BRF1: variants seen among roughly 807,000 people sequenced by gnomAD.
BRF1 encodes the protein transcription factor IIIB 90 kDa subunit.
A neutral mutation model predicts 81.7 loss-of-function variants in BRF1; 59 were observed. The ratio of observed to expected loss-of-function variants is 0.72; its 90% CI spans 0.59 to 0.90. BRF1 has a LOEUF of 0.90. Among genes scored for constraint, BRF1 ranks in the 40% least tolerant of loss-of-function variants. The pLI is 0.00. For synonymous variants in BRF1, 491 were observed against 395.6 expected (o/e 1.24, Z -2.86); for missense variants, 1,050 against 936.3 (o/e 1.12, Z -1.58).
chr14:105,226,794 G>C (rs746337559), intron 7 of BRF1, 34 bp from the exon 8 acceptor site: 53 of 1,612,430 alleles, frequency 3.3e-5, no homozygotes, highest in Non-Finnish European at 4.2e-5. Context: ...AATGGAGCTG[G>C]TGGCTCTGAA....
chr14:105,218,140 G>A (rs1280045280), intron 14 of BRF1, among the ~76,000 whole-genome samples: 1 of 152,174 alleles, frequency 6.6e-6, no homozygotes, highest in Non-Finnish European at 1.5e-5. Flanking sequence ...GCAGGGCGAT[G>A]TGCTGCTGCA....
rs1287765096 is a variant in BRF1 at position 105,228,849 on chromosome 14, G to A, written c.759C>T (p.Val253=). 5 of 1,613,906 alleles carry A rather than the reference G, an allele frequency of 3.1e-6. No homozygotes were observed. Among genetic ancestry groups the A allele is most frequent in the Admixed American group, 3.3e-5 (2 of 60,024 alleles). The part of the protein sequence containing the change: ...RRTVKEVISV[V]KVCESTLRKR... ...TCCGCAGCGTGGACTCACACACTTT[G>A]ACCACACTGATGACCTCCTTCACAG... Residue 253 remains valine (V), a synonymous_variant, in exon 7 of 18, where the codon GTC becomes GTT. Coordinates refer to ENST00000547530, the MANE Select transcript of BRF1 (RefSeq NM_001519.4).
intron 3 of BRF1, among the ~76,000 whole-genome samples, chr14:105,262,155 G>C (rs974626763): frequency 6.6e-6 from 1 of 152,228 alleles, no homozygotes; most frequent in African/African-American, 2.4e-5. Context: ...GCACATGCCT[G>C]GACGGGGCTA....
At chr14:105,218,950 A>C (rs769975095) in intron 14 of BRF1, 48 bp downstream of exon 14, 3 of 1,611,948 alleles carry the variant, frequency 1.9e-6, no homozygotes, top group Non-Finnish European at 8.5e-7. Context: ...TGCCCCCCGT[A>C]ACCTGGACAC....
intron 2 of BRF1, among the ~76,000 whole-genome samples, chr14:105,274,942 T>A (rs901854746): frequency 2.6e-5 from 4 of 152,210 alleles, no homozygotes; most frequent in African/African-American, 9.7e-5. Context: ...TGCAGAGGAA[T>A]GCTGCCGCCA....
In BRF1 at chr14:105,212,638, C is replaced by T. The variant is rs587733214; in HGVS notation, c.1773-474G>A. ...ACACACAAAGGCCAAAGGTGCCTTC[C>T]ACATGCCAAGTCTTCTTGGAGACTG... On this transcript the variant is annotated intron_variant, in intron 15 of 17. Transcript: ENST00000547530. 4.4e-5 allele frequency: 7 copies of T among 160,220 alleles called. No individual in the cohort carries two copies. In the East Asian group the frequency reaches 1.3e-3, roughly 29 times the overall value. The allele number at this position is 160,220 out of a possible 1,614,324, so 9.9% of individuals were successfully genotyped here.
At chr14:105,306,364 C>T (rs1490294473) in intron 1 of BRF1, among the ~76,000 whole-genome samples, 5 of 152,028 alleles carry the variant, frequency 3.3e-5, no homozygotes, top group Admixed American at 6.6e-5. Context: ...AGTGCAGCGG[C>T]GCCATCTCGA....
At chr14:105,247,697 T>A in intron 5 of BRF1, 2 of 985,274 alleles carry the variant, frequency 2.0e-6, no homozygotes, top group Non-Finnish European at 2.4e-6. Context: ...TATGGAAGTT[T>A]TAAAAGTCTA....
At position 105,309,917 on chromosome 14, in the gene BRF1, C is replaced by G. The variant is rs2058300765; in HGVS notation, c.-162+5405G>C. On this transcript the variant is annotated intron_variant, in intron 1 of 17. Transcript: ENST00000327359. The surrounding 1 kb of genome is among the most constrained non-coding windows in gnomAD (Gnocchi z 4.0). Reference sequence around the variant, plus strand: ...TCTCCTGTCTCAGCCTCCCGACTAGCTGGGACTACAGGCGCCCGCCACCAC... The same window carrying G: ...TCTCCTGTCTCAGCCTCCCGACTAGGTGGGACTACAGGCGCCCGCCACCAC... Among the ~76,000 whole-genome samples the G allele has an allele frequency of 1.3e-5, 2 of 151,264 alleles. No homozygotes were observed. Among genetic ancestry groups the G allele is most frequent in the Non-Finnish European group, 2.9e-5 (2 of 67,902 alleles).
At chr14:105,266,349 G>A (rs1405187895) in intron 3 of BRF1, among the ~76,000 whole-genome samples, 1 of 152,166 alleles carries the variant, frequency 6.6e-6, no homozygotes. Flanking sequence ...GGAGTTGGAG[G>A]TTGCAACGAG....
Position 105,226,313 on chromosome 14 carries a change from G to C in BRF1, c.916-23C>G, listed in dbSNP as rs184545236. 5 of 1,613,778 alleles carry C rather than the reference G, an allele frequency of 3.1e-6. No individual in the cohort carries two copies. In the South Asian group the frequency reaches 3.3e-5, roughly 11 times the overall value. ...AAGCTGAAAGGGAACAGGGCAAGAG[G>C]CTTCGTGAAGGGAGGCCCTGGTGCA... On this transcript the variant is annotated intron_variant, in intron 8 of 17. Coordinates refer to ENST00000547530, the MANE Select transcript of BRF1 (RefSeq NM_001519.4).
intron 3 of BRF1, among the ~76,000 whole-genome samples, chr14:105,259,142 G>C (rs917403120): frequency 6.6e-6 from 1 of 152,008 alleles, no homozygotes; most frequent in African/African-American, 2.4e-5. Context: ...ATTTACCCAA[G>C]AGAAATAAAA....
chr14:105,248,551 G>A (rs2055294372), intron 5 of BRF1: 1 of 913,818 alleles, frequency 1.1e-6, no homozygotes, highest in Non-Finnish European at 1.3e-6. Context: ...ACGCACCGGC[G>A]CCGCGGCGGG....
intron 1 of BRF1, among the ~76,000 whole-genome samples, chr14:105,306,551 C>T (rs2058193088): frequency 6.6e-6 from 1 of 152,018 alleles, no homozygotes; most frequent in Admixed American, 6.6e-5. Flanking sequence ...GATCTGCCCA[C>T]CTCAACCTCC....
rs587688829 is a variant in BRF1, at chr14:105,209,936, G to C, written c.*615C>G. 5 of 362,946 alleles carry C rather than the reference G, an allele frequency of 1.4e-5. No individual in the cohort carries two copies. Among genetic ancestry groups the C allele is most frequent in the Non-Finnish European group, 2.5e-5 (5 of 202,906 alleles). 22.5% of individuals were successfully genotyped at this position (362,946 alleles called of 1,614,324 possible). ...AGGGGGGTCTGGAGGAGGCAGGGGT[G>C]GGGGTGTCTGCCTCGGACGAGGCAG... On this transcript the variant is annotated 3_prime_UTR_variant, in exon 18 of 18. Coordinates refer to ENST00000547530, the MANE Select transcript of BRF1 (RefSeq NM_001519.4).
At chr14:105,225,986 G>C in intron 10 of BRF1, 83 bp downstream of exon 10, 7 of 1,340,508 alleles carry the variant, frequency 5.2e-6, no homozygotes, top group Non-Finnish European at 7.3e-6. Context: ...CCCTTTCCAG[G>C]TCTTTTTCTG....
chr14:105,215,663 A>G (rs1439681206), intron 15 of BRF1, among the ~76,000 whole-genome samples: 12 of 140,778 alleles, frequency 8.5e-5, no homozygotes, highest in Admixed American at 5.7e-4. Flanking sequence ...CACACACTGC[A>G]TACACAGGCA....
At chr14:105,281,699 C>T (rs962116871) in intron 2 of BRF1, among the ~76,000 whole-genome samples, 2 of 151,446 alleles carry the variant, frequency 1.3e-5, no homozygotes, top group Non-Finnish European at 2.9e-5. Context: ...AACTCTCTGC[C>T]GATCCATTTT....
upstream of BRF1, among the ~76,000 whole-genome samples, chr14:105,305,125 G>T (rs2058149225): frequency 6.6e-6 from 1 of 152,198 alleles, no homozygotes; most frequent in Admixed American, 6.5e-5. Context: ...GGCTGGCTGG[G>T]CACAGTGGCT....
Sources: allele counts gnomAD v4.1 joint callset (sites outside exome capture counted in the v4.1 genomes callset), GRCh38; gene constraint gnomAD v4.1.1; non-coding constraint Gnocchi (gnomAD v3.1); transcripts MANE v1.5; gene names NCBI Gene and HGNC (gene_info 2026-07-23, HGNC 2026-07-21).